Variants in AGGF1 observed in about 807,000 individuals in gnomAD.
AGGF1 encodes the protein angiogenic factor with G patch and FHA domains 1.
Under a neutral mutation model 86.5 loss-of-function variants are expected in AGGF1, and 56 were observed. That is an observed-to-expected ratio of 0.65 (90% CI 0.52 to 0.81). AGGF1 has a LOEUF of 0.81. Ranked by LOEUF, AGGF1 falls within the 30% of genes least tolerant of loss-of-function variation. The pLI is 0.00. For missense variants in AGGF1, 816 were observed against 850.9 expected (o/e 0.96, Z 0.51); for synonymous variants, 313 against 297.1 (o/e 1.05, Z -0.55).
At chr5:77,049,709 C>T (rs903985473) in intron 8 of AGGF1, among the ~76,000 whole-genome samples, 1 of 151,992 alleles carries the variant, frequency 6.6e-6, no homozygotes, top group Non-Finnish European at 1.5e-5. Context: ...TCTACCATGC[C>T]CAGCTAATCT....
chr5:77,050,804 C>T (rs1294795610), intron 8 of AGGF1, among the ~76,000 whole-genome samples: 4 of 152,086 alleles, frequency 2.6e-5, no homozygotes, highest in Admixed American at 6.5e-5. Flanking sequence ...AAAGTTCATG[C>T]AAATTTATGT....
intron 1 of AGGF1, 25 bp downstream of exon 1, chr5:77,031,001 G>C: frequency 6.2e-7 from 1 of 1,609,856 alleles, no homozygotes; most frequent in Non-Finnish European, 8.5e-7. Flanking sequence ...TCAGCCCCGC[G>C]CCCCATCCAG....
chr5:77,034,169 C>T (rs187446170), intron 1 of AGGF1, among the ~76,000 whole-genome samples: 1 of 152,062 alleles, frequency 6.6e-6, no homozygotes, highest in African/African-American at 2.4e-5. Context: ...AAATAAAGGA[C>T]CTTGTTCACA....
rs1387468484 is a variant in AGGF1 at position 77,042,787 on chromosome 5, A to G, written c.870+3068A>G. On this transcript the variant is annotated intron_variant, in intron 5 of 13. Coordinates refer to ENST00000312916, the MANE Select transcript of AGGF1 (RefSeq NM_018046.5). ...CTGACCCCCCCCACCTCCCTCCCGGACGGGGCGGCTGGCCGGGCGGGGGCT... is the reference window on the plus strand; with the variant it reads ...CTGACCCCCCCCACCTCCCTCCCGGGCGGGGCGGCTGGCCGGGCGGGGGCT... 6.8e-5 allele frequency among the ~76,000 whole-genome samples: 3 copies of G among 43,954 alleles called. 1 individual carries two copies. The highest frequency in any genetic ancestry group is 1.3e-4 in the African/African-American group (2 of 15,658). The allele number at this position is 43,954 out of a possible 152,430, so 28.8% of individuals were successfully genotyped here.
Position 77,063,073 on chromosome 5 carries a change from A to T in AGGF1, c.1966A>T (p.Thr656Ser), listed in dbSNP as rs1297594180. Residue 656 changes from threonine (T) to serine (S), a missense_variant, in exon 14 of 14, where the codon ACA (threonine) becomes TCA (serine). Around this residue, in one of 3 missense-constraint regions of AGGF1, gnomAD observed 565 missense variants for 585.8 expected, o/e 0.96. Coordinates refer to ENST00000312916, the MANE Select transcript of AGGF1 (RefSeq NM_018046.5). ...ACAGATCCAGCTTCAGCTTCGGCGA[A>T]CACATGCAGGCTTGGGGACAGGCAA... Reference protein sequence around the residue: ...KTPIQLQLRRTHAGLGTGKPS... With the variant: ...KTPIQLQLRRSHAGLGTGKPS... The T allele has an allele frequency of 6.2e-7, 1 of 1,614,128 alleles. No individual in the cohort carries two copies. Among genetic ancestry groups the T allele is most frequent in the Non-Finnish European group, 8.5e-7 (1 of 1,180,002 alleles).
intron 5 of AGGF1, among the ~76,000 whole-genome samples, chr5:77,041,856 A>T (rs1580126677): frequency 7.0e-6 from 1 of 142,842 alleles, no homozygotes; most frequent in East Asian, 2.0e-4. Context: ...GGTGTTTCTC[A>T]CAGAGGGGGA....
At chr5:77,043,979 A>C (rs2150730656) in intron 5 of AGGF1, among the ~76,000 whole-genome samples, 9 of 123,298 alleles carry the variant, frequency 7.3e-5, no homozygotes, top group East Asian at 5.1e-4. Flanking sequence ...ATCTCAGACA[A>C]TGGGCGGCCG....
chr5:77,042,014 C>T (rs1434670254), intron 5 of AGGF1, among the ~76,000 whole-genome samples: 1 of 151,094 alleles, frequency 6.6e-6, no homozygotes, highest in Non-Finnish European at 1.5e-5. Context: ...GGTGATGACT[C>T]TTAACGAGCA....
At position 77,039,710 on chromosome 5, in the gene AGGF1, T is replaced by C. The variant is rs1747033690; in HGVS notation, c.861T>C (p.Asn287=). 1.2e-6 allele frequency: 2 copies of C among 1,611,086 alleles called. No individual in the cohort carries two copies. Among genetic ancestry groups the C allele is most frequent in the Non-Finnish European group, 1.7e-6 (2 of 1,178,316 alleles). The change falls in exon 5 of 14, where the codon AAT becomes AAC. Residue 287 remains asparagine, a synonymous_variant. Coordinates refer to ENST00000312916, the MANE Select transcript of AGGF1 (RefSeq NM_018046.5). The part of the protein sequence containing the change: ...KRKDPDSSAT[N]EEKDLNSEDQ... Reference sequence around the variant, plus strand: ...AAGATCCAGATTCTTCTGCAACAAATGAGGAAAAGGTAATGTCTTTACAAT... The same window carrying C: ...AAGATCCAGATTCTTCTGCAACAAACGAGGAAAAGGTAATGTCTTTACAAT...
chr5:77,040,622 A>G (rs1747059006), intron 5 of AGGF1, among the ~76,000 whole-genome samples: 1 of 152,222 alleles, frequency 6.6e-6, no homozygotes, highest in Non-Finnish European at 1.5e-5. Flanking sequence ...TGCAATGTTA[A>G]ATTGAAAGAA....
Position 77,030,789 on chromosome 5 carries a change from C to T in AGGF1, c.23C>T (p.Pro8Leu). MASEAPSPPRSPPPPTSP... is the reference protein window; with the variant it reads MASEAPSLPRSPPPPTSP... ...CTCATGGCCTCGGAGGCGCCGTCCC[C>T]GCCGCGGTCGCCGCCGCCGCCCACC... The change falls in exon 1 of 14, where the codon CCG (proline) becomes CTG (leucine). Residue 8 changes from proline to leucine, a missense_variant. By Grantham distance (98) the Pro-to-Leu change is moderately conservative. Around this residue, in one of 3 missense-constraint regions of AGGF1, gnomAD observed 240 missense variants for 234.4 expected, o/e 1.02. Transcript: ENST00000312916. 3.1e-6 allele frequency: 5 copies of T among 1,588,924 alleles called. No individual in the cohort carries two copies. Among genetic ancestry groups the T allele is most frequent in the Non-Finnish European group, 4.3e-6 (5 of 1,172,136 alleles).
At chr5:77,055,417 G>T (rs1173969620) in intron 10 of AGGF1, 97 bp from the exon 11 acceptor site, 5 of 771,810 alleles carry the variant, frequency 6.5e-6, no homozygotes, top group Non-Finnish European at 8.8e-6. Flanking sequence ...ATTGGAATGG[G>T]TTATATTAGT....
At chr5:77,052,340 G>C (rs181237148) in intron 8 of AGGF1, among the ~76,000 whole-genome samples, 2 of 151,166 alleles carry the variant, frequency 1.3e-5, no homozygotes, top group Admixed American at 1.3e-4. Flanking sequence ...GTGACAGAGC[G>C]AGACCCTGTC....
At chr5:77,032,268 A>AAAAAAC (rs1746876167) in intron 1 of AGGF1, among the ~76,000 whole-genome samples, 1 of 150,136 alleles carries the variant, frequency 6.7e-6, no homozygotes, top group Non-Finnish European at 1.5e-5. Context: ...AAAAAAAAAA[A>AAAAAAC]AAAAAACAGG....
intron 4 of AGGF1, 104 bp downstream of exon 4, chr5:77,036,824 AC>A (rs1561284163): frequency 2.3e-6 from 3 of 1,277,190 alleles, no homozygotes; most frequent in Non-Finnish European, 2.2e-6. Flanking sequence ...TGCAACTTTC[AC>A]CCCCCAGGTT....
chr5:77,047,132 A>G (rs1747270046), intron 6 of AGGF1, among the ~76,000 whole-genome samples: 1 of 152,212 alleles, frequency 6.6e-6, no homozygotes, highest in Non-Finnish European at 1.5e-5. Context: ...AGGATTTCAT[A>G]TTACAGTTGG....
At chr5:77,043,815 T>C (rs1309727350) in intron 5 of AGGF1, among the ~76,000 whole-genome samples, 1 of 114,386 alleles carries the variant, frequency 8.7e-6, no homozygotes, top group African/African-American at 3.1e-5. Context: ...GGCTCCTCAC[T>C]TCTCAGACGG....
Position 77,039,670 on chromosome 5 carries a change from T to G in AGGF1, c.821T>G (p.Leu274Trp). The G allele has an allele frequency of 6.2e-7, 1 of 1,612,100 alleles. No individual in the cohort carries two copies. Among genetic ancestry groups the G allele is most frequent in the South Asian group, 1.1e-5 (1 of 90,382 alleles). Residue 274 changes from leucine (L) to tryptophan (W), a missense_variant, in exon 5 of 14, where the codon TTG (leucine) becomes TGG (tryptophan). Coordinates refer to ENST00000312916, the MANE Select transcript of AGGF1 (RefSeq NM_018046.5). ...ACAAAACAAAGTAAAGATAAAAAAT[T>G]GAAGAAGAAAAGAAAAGATCCAGAT... The part of the protein sequence containing the change: ...SSTKQSKDKK[L>W]KKKRKDPDSS...
chr5:77,055,468 A>G lies in AGGF1; in HGVS notation c.1634-46A>G, dbSNP rs1256185230. 4 of 1,275,770 alleles carry G rather than the reference A, an allele frequency of 3.1e-6. No homozygotes were observed. In the South Asian group the frequency reaches 4.9e-5, roughly 16 times the overall value. 79.0% of individuals were successfully genotyped at this position (1,275,770 alleles called of 1,614,324 possible). ...TAACATTAGTTTTAATTTTGTACAAAATCAGATTTAGTGGCTTTTTTTTAA... is the reference window on the plus strand; with the variant it reads ...TAACATTAGTTTTAATTTTGTACAAGATCAGATTTAGTGGCTTTTTTTTAA... On this transcript the variant is annotated intron_variant, in intron 10 of 13. Coordinates refer to ENST00000312916, the MANE Select transcript of AGGF1 (RefSeq NM_018046.5).
Sources: gnomAD v4.1 joint callset for allele counts (sites outside exome capture counted in the v4.1 genomes callset) on GRCh38, gnomAD v4.1.1 for gene constraint, gnomAD v4.1.1 regional missense constraint, MANE v1.5 for transcripts, NCBI Gene and HGNC (gene_info 2026-07-23, HGNC 2026-07-21) for gene names.